Variants in TNNI3K observed in about 807,000 individuals in gnomAD.
TNNI3K encodes the protein serine/threonine-protein kinase TNNI3K.
TNNI3K carries 140 observed loss-of-function variants against 114.5 expected under a neutral mutation model. The ratio of observed to expected loss-of-function variants is 1.22; its 90% CI spans 1.07 to 1.41. The LOEUF is 1.41. Ranked by LOEUF, TNNI3K falls within the 40% of genes most tolerant of loss-of-function variation. The pLI, the probability that TNNI3K is intolerant of heterozygous loss-of-function variation, is 0.00. For synonymous variants in TNNI3K, 347 were observed against 347.5 expected (o/e 1.00, Z 0.02); for missense variants, 1,125 against 1,007.6 (o/e 1.12, Z -1.58).
intron 5 of TNNI3K, among the ~76,000 whole-genome samples, chr1:74,323,952 G>A (rs947554292): frequency 2.0e-5 from 3 of 152,140 alleles, no homozygotes; most frequent in African/African-American, 7.2e-5. Flanking sequence ...AAGAAAACTC[G>A]AAAATTGTGG....
At chr1:74,253,657 G>A (rs761894054) in intron 4 of TNNI3K, among the ~76,000 whole-genome samples, 34 of 152,090 alleles carry the variant, frequency 2.2e-4, no homozygotes, top group Non-Finnish European at 4.0e-4. Context: ...CCAAGCCCAC[G>A]CCCACGCCCA....
intron 23 of TNNI3K, among the ~76,000 whole-genome samples, chr1:74,516,105 T>C (rs894390560): frequency 6.6e-6 from 1 of 152,250 alleles, no homozygotes; most frequent in Non-Finnish European, 1.5e-5. Flanking sequence ...GCTGAGAATG[T>C]AGGTCTGAAG....
intron 5 of TNNI3K, among the ~76,000 whole-genome samples, chr1:74,279,829 T>C (rs1167635976): frequency 4.6e-5 from 7 of 152,164 alleles, no homozygotes; most frequent in Admixed American, 3.9e-4. Context: ...ATATAAAATT[T>C]CATAGTAGTA....
At chr1:74,521,866 G>C (rs1646437622) in intron 23 of TNNI3K, among the ~76,000 whole-genome samples, 1 of 152,184 alleles carries the variant, frequency 6.6e-6, no homozygotes, top group Non-Finnish European at 1.5e-5. Flanking sequence ...TTTAAAGCCT[G>C]TGCTGGTCTA....
At chr1:74,402,340 G>A (rs1181692068) in intron 17 of TNNI3K, among the ~76,000 whole-genome samples, 1 of 152,122 alleles carries the variant, frequency 6.6e-6, no homozygotes, top group Non-Finnish European at 1.5e-5. Context: ...CTATGACAAA[G>A]CAAGGAATAG....
chr1:74,499,410 T>A (rs2100334288), intron 23 of TNNI3K, among the ~76,000 whole-genome samples: 1 of 152,322 alleles, frequency 6.6e-6, no homozygotes, highest in South Asian at 2.1e-4. Flanking sequence ...AGATTATAAA[T>A]ATGAGCCACT....
chr1:74,326,989 G>A (rs2100399775), intron 5 of TNNI3K, among the ~76,000 whole-genome samples: 1 of 151,558 alleles, frequency 6.6e-6, no homozygotes, highest in South Asian at 2.1e-4. Flanking sequence ...GCTGAGGCAG[G>A]AGAATTGCTT....
chr1:74,402,686 A>G (rs1177143963), intron 17 of TNNI3K, among the ~76,000 whole-genome samples: 3 of 152,170 alleles, frequency 2.0e-5, no homozygotes, highest in Admixed American at 1.3e-4. Context: ...GCTGGCAGAA[A>G]CAGTTCTTGT....
At chr1:74,250,807 C>G in intron 4 of TNNI3K, 38 bp downstream of exon 4, 1 of 1,103,792 alleles carries the variant, frequency 9.1e-7, no homozygotes, top group Non-Finnish European at 1.3e-6. Context: ...TGCATTGGAA[C>G]TAAGGATAGT....
intron 5 of TNNI3K, among the ~76,000 whole-genome samples, chr1:74,303,355 G>A (rs920980974): frequency 9.9e-5 from 15 of 152,014 alleles, no homozygotes; most frequent in Admixed American, 6.6e-4. Context: ...AGTAGAGACA[G>A]GGTTTCGCTA....
intron 5 of TNNI3K, among the ~76,000 whole-genome samples, chr1:74,306,833 T>C (rs140402408): frequency 0.029 from 4,450 of 152,300 alleles, 197 homozygotes; most frequent in African/African-American, 0.1. Context: ...TGTTGATAGT[T>C]TCTTTTGCTG....
chr1:74,361,464 C>A (rs2100499911), intron 11 of TNNI3K, among the ~76,000 whole-genome samples: 1 of 151,968 alleles, frequency 6.6e-6, no homozygotes, highest in East Asian at 1.9e-4. Context: ...AATAATATTT[C>A]TTTTTCAACC....
At chr1:74,505,721 C>T (rs1488523693) in intron 23 of TNNI3K, among the ~76,000 whole-genome samples, 2 of 152,088 alleles carry the variant, frequency 1.3e-5, no homozygotes, top group East Asian at 3.9e-4. Context: ...TCCTTGGAAC[C>T]TATGAGATGG....
intron 9 of TNNI3K, among the ~76,000 whole-genome samples, chr1:74,344,546 A>C (rs1408175538): frequency 2.0e-5 from 3 of 152,208 alleles, no homozygotes; most frequent in African/African-American, 7.2e-5. Flanking sequence ...CAAATGGATC[A>C]GTGGAATCTG....
At chr1:74,388,214 G>T (rs1201221840) in intron 17 of TNNI3K, among the ~76,000 whole-genome samples, 1 of 152,006 alleles carries the variant, frequency 6.6e-6, no homozygotes, top group Non-Finnish European at 1.5e-5. Flanking sequence ...GGTGGCAGAG[G>T]TTGCAGTGAG....
At chr1:74,272,013 C>G (rs2100895413) in intron 5 of TNNI3K, among the ~76,000 whole-genome samples, 1 of 151,908 alleles carries the variant, frequency 6.6e-6, no homozygotes, top group African/African-American at 2.4e-5. Context: ...TCATGACCTC[C>G]CTCTTTTCTT....
At chr1:74,342,591 A>G (rs1194906789) in intron 7 of TNNI3K, among the ~76,000 whole-genome samples, 1 of 152,144 alleles carries the variant, frequency 6.6e-6, no homozygotes, top group Non-Finnish European at 1.5e-5. Flanking sequence ...ACTGTGTAAG[A>G]TAGATTTGAT....
rs267598714 is a variant in TNNI3K at position 74,369,546 on chromosome 1, C to T, written c.1628C>T (p.Ser543Leu). 6.2e-7 allele frequency: 1 copy of T among 1,611,804 alleles called. No individual in the cohort carries two copies. Among genetic ancestry groups the T allele is most frequent in the Non-Finnish European group, 8.5e-7 (1 of 1,178,750 alleles). The change falls in exon 16 of 25, where the codon TCA (serine) becomes TTA (leucine). Residue 543 changes from serine to leucine, a missense_variant. Physicochemically the swap from Ser to Leu is moderately radical, Grantham distance 145. Coordinates refer to ENST00000326637, the MANE Select transcript of TNNI3K (RefSeq NM_015978.3). The part of the protein sequence containing the change: ...SQFAIVTQYI[S>L]GGSLFSLLHE... The stretch of plus-strand genomic sequence containing the variant: ...TTTGCCATTGTCACTCAATACATAT[C>T]AGGGGGTTCTCTGTTCTCCCTCCTT...
intron 21 of TNNI3K, among the ~76,000 whole-genome samples, chr1:74,481,462 A>T (rs781758204): frequency 6.6e-6 from 1 of 152,134 alleles, no homozygotes; most frequent in East Asian, 1.9e-4. Flanking sequence ...GCGAGTTGGG[A>T]TGGGGAGAGT....
Sources: gnomAD v4.1 joint callset for allele counts (sites outside exome capture counted in the v4.1 genomes callset) on GRCh38, gnomAD v4.1.1 for gene constraint, MANE v1.5 for transcripts, NCBI Gene and HGNC (gene_info 2026-07-23, HGNC 2026-07-21) for gene names.